DNAAF1: variants seen among roughly 807,000 people sequenced by gnomAD.
DNAAF1 encodes dynein axonemal assembly factor 1, also known as dynein assembly factor 1, axonemal.
In DNAAF1, 65 loss-of-function variants were observed where a neutral mutation model predicts 71.1. That is an observed-to-expected ratio of 0.91 (90% CI 0.75 to 1.12). The LOEUF (loss-of-function observed/expected upper bound fraction) is 1.12, where lower values mean the gene tolerates loss of function less well. Among genes scored for constraint, DNAAF1 ranks in the 50% most tolerant of loss-of-function variants. The pLI is 0.00. For missense variants in DNAAF1, 1,178 were observed against 899.8 expected, an observed-to-expected ratio of 1.31 and a Z score of -3.96; for synonymous variants, 414 against 354.6, an observed-to-expected ratio of 1.17 and a Z score of -1.88.
intron 1 of DNAAF1, 66 bp from the exon 2 acceptor site, chr16:84,148,941 T>A (rs2087054071): frequency 1.3e-6 from 2 of 1,585,690 alleles, no homozygotes; most frequent in African/African-American, 1.3e-5. Flanking sequence ...TTAACCAAGC[T>A]GAAGTTGGGG....
chr16:84,155,744 G>T lies in DNAAF1; in HGVS notation c.736G>T (p.Asp246Tyr). The change falls in exon 5 of 12, where the codon GAT becomes TAT. Residue 246 changes from aspartate (D) to tyrosine (Y), a missense_variant. Transcript: ENST00000378553. Reference protein sequence around the residue: ...EILSILESMPDLRVLNLMGNP... With the variant: ...EILSILESMPYLRVLNLMGNP... ...CCTGAGCATTCTGGAAAGCATGCCC[G>T]ATTTGGTAAAAAACAAAAACAAAAA... 6.2e-7 allele frequency: 1 copy of T among 1,614,010 alleles called. No homozygotes were observed.
In DNAAF1 at chr16:84,154,508, A is replaced by G. The variant is rs1166204977; in HGVS notation, c.353-69A>G. The stretch of plus-strand genomic sequence containing the variant: ...ATTCAGTTCCTAATAGTAGGCAAAA[A>G]CAAGGGTGACCGTGACCCCTCTGCC... On this transcript the variant is annotated intron_variant, in intron 3 of 11. Transcript: ENST00000378553. 2.8e-6 allele frequency: 4 copies of G among 1,427,084 alleles called. No individual in the cohort carries two copies. The South Asian group carries it at 4.7e-5, about 17-fold the overall frequency. The allele number at this position is 1,427,084 out of a possible 1,614,324, so 88.4% of individuals were successfully genotyped here.
chr16:84,150,136 G>C, intron 2 of DNAAF1, 115 bp from the exon 3 acceptor site: 1 of 748,276 alleles, frequency 1.3e-6, no homozygotes, highest in Non-Finnish European at 2.4e-6. Context: ...TAGGTATCAG[G>C]GATATAGGAT....
chr16:84,146,186 AC>A (rs1195368160), intron 1 of DNAAF1, among the ~76,000 whole-genome samples: 3 of 152,026 alleles, frequency 2.0e-5, no homozygotes, highest in African/African-American at 7.2e-5. Flanking sequence ...CTAACCCACC[AC>A]GCTATTCTCC....
At chr16:84,168,274 C>T (rs1331803050) in intron 7 of DNAAF1, among the ~76,000 whole-genome samples, 3 of 152,194 alleles carry the variant, frequency 2.0e-5, no homozygotes, top group African/African-American at 4.8e-5. Flanking sequence ...GACGCTCCTG[C>T]CTCCCTATTC....
intron 7 of DNAAF1, among the ~76,000 whole-genome samples, chr16:84,166,370 CTTTT>C (rs535417461): frequency 8.4e-6 from 1 of 118,824 alleles, no homozygotes; most frequent in Non-Finnish European, 1.7e-5. Context: ...TTCTTTTTTT[CTTTT>C]TTTTTTTTTT....
In DNAAF1 at chr16:84,168,827, T is replaced by TACACACACACACACACACACAC. The variant is rs55903132; in HGVS notation, c.1031-1023_1031-1002dup. 1.4e-3 allele frequency among the ~76,000 whole-genome samples: 208 copies of TACACACACACACACACACACAC among 145,994 alleles called. 2 individuals carry two copies. Among genetic ancestry groups the TACACACACACACACACACACAC allele is most frequent in the East Asian group, 5.7e-3 (28 of 4,914 alleles). The stretch of plus-strand genomic sequence containing the variant: ...CATAATTTGCTACACATTTGCCACA[T>TACACACACACACACACACACAC]ACACACACACACACACACACACACA... On this transcript the variant is annotated intron_variant, in intron 7 of 11. Coordinates refer to ENST00000378553, the MANE Select transcript of DNAAF1 (RefSeq NM_178452.6).
chr16:84,176,867 C>T (rs144528608), intron 11 of DNAAF1: 225 of 175,616 alleles, frequency 1.3e-3, no homozygotes, highest in Non-Finnish European at 2.1e-3. Flanking sequence ...GCAGAAGACC[C>T]AGAAAAACAT....
intron 8 of DNAAF1, among the ~76,000 whole-genome samples, chr16:84,171,919 C>T (rs190629436): frequency 6.6e-6 from 1 of 151,354 alleles, no homozygotes; most frequent in East Asian, 1.9e-4. Flanking sequence ...GCTCTATCAC[C>T]CAGGCTGGAG....
At chr16:84,152,855 G>A (rs1412294802) in intron 3 of DNAAF1, among the ~76,000 whole-genome samples, 3 of 151,898 alleles carry the variant, frequency 2.0e-5, no homozygotes, top group East Asian at 3.9e-4. Flanking sequence ...TACTCAGGAG[G>A]CTGAGACAGG....
chr16:84,174,545 C>T, intron 9 of DNAAF1, 124 bp from the exon 10 acceptor site: 1 of 1,582,938 alleles, frequency 6.3e-7, no homozygotes, highest in Non-Finnish European at 8.6e-7. Flanking sequence ...AGGCGAGTCA[C>T]CTGAGTGATT....
intron 7 of DNAAF1, among the ~76,000 whole-genome samples, chr16:84,166,435 G>A (rs2088005377): frequency 7.0e-6 from 1 of 142,416 alleles, no homozygotes; most frequent in African/African-American, 2.7e-5. Context: ...AGAGTGCAGT[G>A]GCACAATCTT....
At chr16:84,171,262 GC>G (rs1290529905) in intron 8 of DNAAF1, among the ~76,000 whole-genome samples, 1 of 152,016 alleles carries the variant, frequency 6.6e-6, no homozygotes, top group Non-Finnish European at 1.5e-5. Flanking sequence ...ATAGTGAGAA[GC>G]CCCCTTCCCC....
At chr16:84,155,845 C>G (rs2087401453) in intron 5 of DNAAF1, 96 bp downstream of exon 5, 2 of 1,447,060 alleles carry the variant, frequency 1.4e-6, no homozygotes, top group Non-Finnish European at 9.5e-7. Context: ...TTCTCTCCTT[C>G]CTGCCTTCCT....
chr16:84,156,803 A>G (rs1009200807), intron 5 of DNAAF1, among the ~76,000 whole-genome samples: 2 of 124,144 alleles, frequency 1.6e-5, no homozygotes, highest in African/African-American at 6.2e-5. Flanking sequence ...TTTATTTATC[A>G]TTTTTCTTTT....
chr16:84,151,627 C>T (rs1346426126), intron 3 of DNAAF1, among the ~76,000 whole-genome samples: 2 of 152,202 alleles, frequency 1.3e-5, no homozygotes, highest in African/African-American at 4.8e-5. Flanking sequence ...TGCCCTGAAA[C>T]TTAGCAACTT....
chr16:84,159,282 G>C lies in DNAAF1; in HGVS notation c.742-393G>C, dbSNP rs567046552. Reference sequence around the variant, plus strand: ...CTGTCTAGCGGCTGTGTGCGTTTTGGTAAAATGGATCCTGGCTGGGAAGAA... The same window carrying C: ...CTGTCTAGCGGCTGTGTGCGTTTTGCTAAAATGGATCCTGGCTGGGAAGAA... On this transcript the variant is annotated intron_variant, in intron 5 of 11. Coordinates refer to ENST00000378553, the MANE Select transcript of DNAAF1 (RefSeq NM_178452.6). The C allele has an allele frequency of 8.2e-6, 9 of 1,093,334 alleles. No homozygotes were observed. The African/African-American group carries it at 1.2e-4, about 14-fold the overall frequency. The allele number at this position is 1,093,334 out of a possible 1,614,324, so 67.7% of individuals were successfully genotyped here. A position where few individuals can be genotyped will look rare whatever the true frequency, so the allele number is the denominator to read the frequency against.
At chr16:84,155,793 C>T (rs760278438) in intron 5 of DNAAF1, 44 bp downstream of exon 5, 2 of 1,607,636 alleles carry the variant, frequency 1.2e-6, no homozygotes, top group Non-Finnish European at 8.5e-7. Context: ...CCACAGGAAA[C>T]CGCTTCTATT....
At position 84,155,699 on chromosome 16, in the gene DNAAF1, A is replaced by G; in HGVS notation, c.691A>G (p.Lys231Glu). 1 of 1,614,146 alleles carries G rather than the reference A, an allele frequency of 6.2e-7. No individual in the cohort carries two copies. Among genetic ancestry groups the G allele is most frequent in the Non-Finnish European group, 8.5e-7 (1 of 1,180,034 alleles). Residue 231 changes from lysine (K) to glutamate (E), a missense_variant, in exon 5 of 12, where the codon AAG (lysine) becomes GAG (glutamate). Transcript: ENST00000378553. Reference protein sequence around the residue: ...RLCVLDLSHNKLSDPEILSIL... With the variant: ...RLCVLDLSHNELSDPEILSIL... ...TTGTGTCCTTGACCTTTCGCACAACAAGCTGAGTGACCCGGAGATCCTGAG... is the reference window on the plus strand; with the variant it reads ...TTGTGTCCTTGACCTTTCGCACAACGAGCTGAGTGACCCGGAGATCCTGAG...
Sources: gnomAD v4.1 joint callset for allele counts (sites outside exome capture counted in the v4.1 genomes callset) on GRCh38, gnomAD v4.1.1 for gene constraint, MANE v1.5 for transcripts, NCBI Gene and HGNC (gene_info 2026-07-23, HGNC 2026-07-21) for gene names.